The following PJA2 variants were observed in gnomAD, a reference collection of about 807,000 sequenced individuals.
PJA2 encodes praja ring finger ubiquitin ligase 2.
In PJA2, 25 loss-of-function variants were observed where a neutral mutation model predicts 69.3. The ratio of observed to expected loss-of-function variants is 0.36; its 90% CI spans 0.26 to 0.50. PJA2 has a LOEUF of 0.50. Among genes scored for constraint, PJA2 ranks in the 20% least tolerant of loss-of-function variants. PJA2 has a pLI of 0.96. For synonymous variants in PJA2, 308 were observed against 277.8 expected, an observed-to-expected ratio of 1.11 and a Z score of -1.08; for missense variants, 809 against 830.2, an observed-to-expected ratio of 0.97 and a Z score of 0.31.
At chr5:109,399,022 GCCAACAT>G (rs1747481632) in intron 1 of PJA2, among the ~76,000 whole-genome samples, 1 of 151,982 alleles carries the variant, frequency 6.6e-6, no homozygotes, top group Non-Finnish European at 1.5e-5. Flanking sequence ...GACCAGCCTG[GCCAACAT>G]GGTGAAACCC....
At chr5:109,353,210 CT>C (rs1442016734) in intron 7 of PJA2, among the ~76,000 whole-genome samples, 2 of 138,216 alleles carry the variant, frequency 1.4e-5, no homozygotes, top group Admixed American at 7.4e-5. Context: ...CCTATAATAT[CT>C]ATAGATATCT....
intron 7 of PJA2, among the ~76,000 whole-genome samples, chr5:109,348,383 T>C (rs2126989164): frequency 6.6e-6 from 1 of 152,146 alleles, no homozygotes; most frequent in South Asian, 2.1e-4. Flanking sequence ...GATTGCTAAA[T>C]GAAAATTAGA....
rs1762020745 is a variant in PJA2 at position 109,340,403 on chromosome 5, A to G, written c.2002-3047T>C. ...AGGAAAAGGAAAGACGGAAGGAAGGAAAGGAATGGGAAAAGGGAAGGAGAA... is the reference window on the plus strand; with the variant it reads ...AGGAAAAGGAAAGACGGAAGGAAGGGAAGGAATGGGAAAAGGGAAGGAGAA... On this transcript the variant is annotated intron_variant, in intron 9 of 9. Coordinates refer to ENST00000361189, the MANE Select transcript of PJA2 (RefSeq NM_014819.5). Among the ~76,000 whole-genome samples the G allele has an allele frequency of 2.0e-5, 3 of 152,022 alleles. No homozygotes were observed. In the South Asian group the frequency reaches 6.3e-4, roughly 32 times the overall value.
chr5:109,387,142 T>G (rs934483534), intron 1 of PJA2, among the ~76,000 whole-genome samples: 1 of 152,206 alleles, frequency 6.6e-6, no homozygotes, highest in Admixed American at 6.5e-5. Context: ...CCTTTCCTTA[T>G]TCTCTTAGCC....
chr5:109,389,697 A>ATTGTAAACCT (rs1036696106), intron 1 of PJA2, among the ~76,000 whole-genome samples: 3 of 151,914 alleles, frequency 2.0e-5, no homozygotes, highest in African/African-American at 7.2e-5. Context: ...TAGACTACTG[A>ATTGTAAACCT]TTGTAAACCT....
At chr5:109,383,352 C>A in intron 2 of PJA2, 51 bp downstream of exon 2, 1 of 1,565,104 alleles carries the variant, frequency 6.4e-7, no homozygotes, top group Non-Finnish European at 8.8e-7. Flanking sequence ...CTCAAGGTAC[C>A]CAGAGGAAAA....
At chr5:109,377,615 C>A (rs1746923434) in intron 4 of PJA2, among the ~76,000 whole-genome samples, 1 of 152,058 alleles carries the variant, frequency 6.6e-6, no homozygotes, top group Non-Finnish European at 1.5e-5. Flanking sequence ...TGCTCTGTGA[C>A]CTTAGGAAGT....
rs561047679 is a variant in PJA2, at chr5:109,353,301, T to A, written c.1764+2614A>T. Reference sequence around the variant, plus strand: ...ATCATAGACATCTATATATTAGATATCTATAATATCTATAGATATCTATAT... The same window carrying A: ...ATCATAGACATCTATATATTAGATAACTATAATATCTATAGATATCTATAT... On this transcript the variant is annotated intron_variant, in intron 7 of 9. Transcript: ENST00000361189. Among the ~76,000 whole-genome samples the A allele has an allele frequency of 1.5e-5, 2 of 131,190 alleles. 1 individual carries two copies. The highest frequency in any genetic ancestry group is 3.3e-5 in the Non-Finnish European group (2 of 60,450). The allele number at this position is 131,190 out of a possible 152,430, so 86.1% of individuals were successfully genotyped here.
At chr5:109,369,011 C>T (rs1031860581) in intron 4 of PJA2, among the ~76,000 whole-genome samples, 9 of 151,826 alleles carry the variant, frequency 5.9e-5, no homozygotes, top group Admixed American at 1.3e-4. Context: ...TGTGTGGCAC[C>T]TCCCCCCTCA....
At chr5:109,372,593 A>T (rs774195265) in intron 4 of PJA2, among the ~76,000 whole-genome samples, 11 of 152,164 alleles carry the variant, frequency 7.2e-5, no homozygotes, top group Non-Finnish European at 1.2e-4. Flanking sequence ...TGTGGAAATC[A>T]GGAGGTCACC....
chr5:109,337,298 G>A lies in PJA2; in HGVS notation c.2060C>T (p.Ala687Val). 6.2e-7 allele frequency: 1 copy of A among 1,613,608 alleles called. No homozygotes were observed. Among genetic ancestry groups the A allele is most frequent in the Non-Finnish European group, 8.5e-7 (1 of 1,179,840 alleles). The change falls in exon 10 of 10, where the codon GCA becomes GTA. Residue 687 changes from alanine to valine, a missense_variant. By Grantham distance (64) the Ala-to-Val change is moderately conservative. Transcript: ENST00000361189. ...HFPPAVIEASAAPSSEPDPDA... is the reference protein window; with the variant it reads ...HFPPAVIEASVAPSSEPDPDA... ...AGGATCAGGCTCAGAGGAAGGAGCT[G>A]CAGATGCTTCAATAACCGCAGGTGG... is the stretch of plus-strand genomic sequence containing the variant.
intron 3 of PJA2, 75 bp downstream of exon 3, chr5:109,381,428 C>T (rs559707537): frequency 7.7e-5 from 96 of 1,238,822 alleles, no homozygotes; most frequent in Non-Finnish European, 1.1e-4. Flanking sequence ...TGCATAATAC[C>T]CACCCAAAAA....
At chr5:109,368,350 T>G (rs1762619667) in intron 5 of PJA2, among the ~76,000 whole-genome samples, 1 of 152,218 alleles carries the variant, frequency 6.6e-6, no homozygotes, top group South Asian at 2.1e-4. Context: ...TGGAGACATA[T>G]ATTGTATCTC....
In PJA2 at chr5:109,375,470, T is replaced by C. The variant is rs537780922; in HGVS notation, c.1283+2734A>G. Among the ~76,000 whole-genome samples the C allele has an allele frequency of 3.5e-4, 53 of 152,112 alleles. 1 individual carries two copies. Among genetic ancestry groups the C allele is most frequent in the Middle Eastern group, 3.4e-3 (1 of 294 alleles). On this transcript the variant is annotated intron_variant, in intron 4 of 9. Coordinates refer to ENST00000361189, the MANE Select transcript of PJA2 (RefSeq NM_014819.5). ...TTGCAGCGAGCCGAGATCACGCCAC[T>C]GCACTCCAGCCTGGGCAACAGAGAG...
chr5:109,401,493 C>G (rs999408682), intron 1 of PJA2, among the ~76,000 whole-genome samples: 1 of 151,984 alleles, frequency 6.6e-6, no homozygotes, highest in Non-Finnish European at 1.5e-5. Context: ...AATTTAAAAA[C>G]CACTGATAAA....
chr5:109,409,077 C>T (rs1163273810), intron 1 of PJA2: 1 of 152,168 alleles, frequency 6.6e-6, no homozygotes, highest in Non-Finnish European at 1.5e-5. Flanking sequence ...TTTACCACCT[C>T]CCCTTTGCTT....
chr5:109,385,064 C>T (rs781288407), intron 1 of PJA2, among the ~76,000 whole-genome samples: 5 of 152,216 alleles, frequency 3.3e-5, no homozygotes, highest in Non-Finnish European at 5.9e-5. Context: ...ATCCACCTGC[C>T]TTGGCCACCC....
intron 9 of PJA2, 46 bp downstream of exon 9, chr5:109,344,144 G>A (rs1052885487): frequency 4.5e-5 from 47 of 1,051,224 alleles, no homozygotes; most frequent in South Asian, 7.1e-5. Flanking sequence ...ACTTGCAGAA[G>A]ACACTATTAA....
intron 7 of PJA2, among the ~76,000 whole-genome samples, chr5:109,351,400 T>G (rs557695466): frequency 6.6e-6 from 1 of 152,226 alleles, no homozygotes; most frequent in Non-Finnish European, 1.5e-5. Flanking sequence ...ACAAAACACT[T>G]ACCAAAATTC....
Sources: allele counts gnomAD v4.1 joint callset (sites outside exome capture counted in the v4.1 genomes callset), GRCh38; gene constraint gnomAD v4.1.1; transcripts MANE v1.5; gene names NCBI Gene and HGNC (gene_info 2026-07-23, HGNC 2026-07-21).